MKRN2: variants seen among roughly 807,000 people sequenced by gnomAD.
MKRN2 encodes makorin ring finger protein 2.
A neutral mutation model predicts 45.4 loss-of-function variants in MKRN2; 32 were observed. The observed-to-expected ratio is 0.70, with a 90% confidence interval of 0.53 to 0.95. MKRN2 has a LOEUF of 0.95. MKRN2 is among the 40% of genes least tolerant of loss of function. The probability of loss-of-function intolerance (pLI) is 0.00; values close to 1 mark genes in which losing one functional copy is unlikely to be tolerated. For synonymous variants in MKRN2, 206 were observed against 192.4 expected (o/e 1.07, Z -0.59); for missense variants, 526 against 536.7 (o/e 0.98, Z 0.20).
At chr3:12,559,804 G>A (rs2058021403) in intron 1 of MKRN2, among the ~76,000 whole-genome samples, 1 of 152,112 alleles carries the variant, frequency 6.6e-6, no homozygotes, top group African/African-American at 2.4e-5. Flanking sequence ...GAGCCCTGGG[G>A]GAGGCCCTTA....
In MKRN2 at chr3:12,583,011, G is replaced by T. The variant is rs2058197086; in HGVS notation, c.*758G>T. ...GGCCTCCAGCCAGGGCCCTCTAGGG[G>T]AACCAAGCCTCTGCTCTCACCTGTG... is the stretch of plus-strand genomic sequence containing the variant. On this transcript the variant is annotated 3_prime_UTR_variant, in exon 8 of 8. Transcript: ENST00000170447. The T allele has an allele frequency of 6.6e-6, 1 of 152,284 alleles. No homozygotes were observed. The highest frequency in any genetic ancestry group is 1.5e-5 in the Non-Finnish European group (1 of 68,090). The allele number at this position is 152,284 out of a possible 1,614,324, so 9.4% of individuals were successfully genotyped here.
chr3:12,573,540 A>AAAG (rs1219370317), intron 4 of MKRN2, among the ~76,000 whole-genome samples: 1 of 152,070 alleles, frequency 6.6e-6, no homozygotes, highest in African/African-American at 2.4e-5. Context: ...GTCTCAAGAA[A>AAAG]AATAATAATA....
At position 12,575,023 on chromosome 3, in the gene MKRN2, G is replaced by C. The variant is rs756839603; in HGVS notation, c.857+17G>C. 5.6e-6 allele frequency: 9 copies of C among 1,604,832 alleles called. No homozygotes were observed. In the East Asian group the frequency reaches 2.0e-4, roughly 36 times the overall value. ...AATCATTAAGTAAGTACAGCCAGGGGTCTTAGCTGTGGGAGCTAGGAGAAT... is the reference window on the plus strand; with the variant it reads ...AATCATTAAGTAAGTACAGCCAGGGCTCTTAGCTGTGGGAGCTAGGAGAAT... On this transcript the variant is annotated intron_variant, in intron 5 of 7. Coordinates refer to ENST00000170447, the MANE Select transcript of MKRN2 (RefSeq NM_014160.5).
Position 12,583,557 on chromosome 3 carries a change from G to A in MKRN2, c.*1304G>A, listed in dbSNP as rs2058206932. 9.1e-6 allele frequency: 2 copies of A among 219,266 alleles called. No homozygotes were observed. The highest frequency in any genetic ancestry group is 6.8e-5 in the East Asian group (1 of 14,752). 13.6% of individuals were successfully genotyped at this position (219,266 alleles called of 1,614,324 possible). ...GAGGGTGAACAAATGGGGCATTCAA[G>A]TTGTGAGCTCAGAATTACTTTAAAA... On this transcript the variant is annotated 3_prime_UTR_variant, in exon 8 of 8. Coordinates refer to ENST00000170447, the MANE Select transcript of MKRN2 (RefSeq NM_014160.5).
At chr3:12,568,754 A>T in intron 1 of MKRN2, 121 bp from the exon 2 acceptor site, 1 of 1,325,720 alleles carries the variant, frequency 7.5e-7, no homozygotes, top group Non-Finnish European at 1.0e-6. Context: ...TCCAGTGCCT[A>T]ATAGAGCCTT....
At chr3:12,576,931 G>GTGTTTTTGTTTTTTTTTTTTT (rs1175738358) in intron 6 of MKRN2, 190 bp downstream of exon 6, 1 of 124,118 alleles carries the variant, frequency 8.1e-6, no homozygotes, top group African/African-American at 5.5e-5. Flanking sequence ...TTTAGTTTTG[G>GTGTTTTTGTTTTTTTTTTTTT]TGTTTTTTTT....
intron 3 of MKRN2, 26 bp from the exon 4 acceptor site, chr3:12,572,043 G>C (rs367720459): frequency 8.4e-6 from 13 of 1,552,404 alleles, no homozygotes; most frequent in South Asian, 1.2e-5. Context: ...ATTTTCATGT[G>C]CATGTGTGCT....
At chr3:12,581,161 T>G (rs2058175795) in intron 6 of MKRN2, among the ~76,000 whole-genome samples, 1 of 152,086 alleles carries the variant, frequency 6.6e-6, no homozygotes, top group Non-Finnish European at 1.5e-5. Flanking sequence ...AGGGAAAACA[T>G]TTTGAACTGT....
In MKRN2 at chr3:12,573,660, G is replaced by A. The variant is rs183865184; in HGVS notation, c.643-1132G>A. ...TGTAATCCCAGCACTTTGGGAGGAC[G>A]AGGCAGGCGGATCACAAGGTCAGGA... On this transcript the variant is annotated intron_variant, in intron 4 of 7. Transcript: ENST00000170447. 3.6e-3 allele frequency among the ~76,000 whole-genome samples: 542 copies of A among 152,268 alleles called. 2 individuals carry two copies. The highest frequency in any genetic ancestry group is 0.012 in the African/African-American group (503 of 41,562).
chr3:12,557,931 T>C (rs1309570188), intron 1 of MKRN2, among the ~76,000 whole-genome samples: 9 of 152,262 alleles, frequency 5.9e-5, no homozygotes, highest in African/African-American at 1.9e-4. Context: ...CGACTGCTCC[T>C]ATGAAATAGA....
At position 12,568,944 on chromosome 3, in the gene MKRN2, A is replaced by G. The variant is rs2125303205; in HGVS notation, c.96A>G (p.Lys32=). Residue 32 remains lysine, a synonymous_variant, in exon 2 of 8, where the codon AAA becomes AAG. Transcript: ENST00000170447. ...TCTCACATGACTTGGCAAACAGCAA[A>G]CCGTCCACCATCTGCAAGTACTACC... The part of the protein sequence containing the change: ...CLFSHDLANS[K]PSTICKYYQK... 6.2e-7 allele frequency: 1 copy of G among 1,614,156 alleles called. No individual in the cohort carries two copies. The highest frequency in any genetic ancestry group is 2.2e-5 in the East Asian group (1 of 44,886).
intron 6 of MKRN2, 70 bp from the exon 7 acceptor site, chr3:12,581,738 G>A: frequency 6.5e-7 from 1 of 1,546,000 alleles, no homozygotes; most frequent in East Asian, 2.3e-5. Flanking sequence ...AAGGATGGAG[G>A]CAGGCAGTGG....
At chr3:12,557,838 A>G (rs1437834453) in intron 1 of MKRN2, among the ~76,000 whole-genome samples, 2 of 152,242 alleles carry the variant, frequency 1.3e-5, no homozygotes, top group East Asian at 3.8e-4. Context: ...ACACTCATTT[A>G]TCTTACTGAG....
In MKRN2 at chr3:12,582,169, T is replaced by C. The variant is rs763500968; in HGVS notation, c.1167T>C (p.His389=). 2.5e-6 allele frequency: 4 copies of C among 1,614,024 alleles called. No individual in the cohort carries two copies. Among genetic ancestry groups the C allele is most frequent in the African/African-American group, 2.7e-5 (2 of 74,910 alleles). The part of the protein sequence containing the change: ...WDFIENRESR[H]VPNNEDVDMT... ...TCATCGAGAACCGAGAAAGCCGGCA[T>C]GTCCCCAACAATGAAGATGTCGACA... The change falls in exon 8 of 8, where the codon CAT becomes CAC. Residue 389 remains histidine (H), a synonymous_variant. Coordinates refer to ENST00000170447, the MANE Select transcript of MKRN2 (RefSeq NM_014160.5).
chr3:12,562,999 G>GA (rs1347170063), intron 1 of MKRN2, among the ~76,000 whole-genome samples: 2 of 152,216 alleles, frequency 1.3e-5, no homozygotes, highest in East Asian at 3.9e-4. Flanking sequence ...CCATTCCGTG[G>GA]AAAAATTGTC....
At chr3:12,578,896 T>TA (rs2058160597) in intron 6 of MKRN2, among the ~76,000 whole-genome samples, 2 of 146,780 alleles carry the variant, frequency 1.4e-5, no homozygotes, top group African/African-American at 2.5e-5. Context: ...TTTTTCCTCA[T>TA]ACAATCTTCC....
intron 5 of MKRN2, 97 bp from the exon 6 acceptor site, chr3:12,576,534 C>A: frequency 1.4e-6 from 1 of 734,266 alleles, no homozygotes; most frequent in Non-Finnish European, 2.3e-6. Context: ...GAAGGAAATG[C>A]CTGTAGTGGT....
intron 1 of MKRN2, among the ~76,000 whole-genome samples, chr3:12,558,342 C>T (rs1213722985): frequency 6.6e-6 from 1 of 152,118 alleles, no homozygotes; most frequent in African/African-American, 2.4e-5. Flanking sequence ...TTTGTGAAGA[C>T]GGGTTTGTGT....
At chr3:12,563,483 CT>C (rs769910086) in intron 1 of MKRN2, among the ~76,000 whole-genome samples, 35,017 of 101,360 alleles carry the variant, frequency 0.35, 5,712 homozygotes, top group African/African-American at 0.47. Flanking sequence ...TTGTCTAGTT[CT>C]TTTTTTTTTT....
Sources: allele counts gnomAD v4.1 joint callset (sites outside exome capture counted in the v4.1 genomes callset), GRCh38; gene constraint gnomAD v4.1.1; transcripts MANE v1.5; gene names NCBI Gene and HGNC (gene_info 2026-07-23, HGNC 2026-07-21).